The following KIAA1958 variants were observed in gnomAD, a reference collection of about 807,000 sequenced individuals.
KIAA1958 encodes the protein uncharacterized protein KIAA1958.
In KIAA1958, 14 loss-of-function variants were observed where a neutral mutation model predicts 47.2. The ratio of observed to expected loss-of-function variants is 0.30; its 90% CI spans 0.20 to 0.46. The LOEUF is 0.46. KIAA1958 is among the 20% of genes least tolerant of loss of function. The pLI, the probability that KIAA1958 is intolerant of heterozygous loss-of-function variation, is 1.00. For synonymous variants in KIAA1958, 354 were observed against 353.3 expected, an observed-to-expected ratio of 1.00 and a Z score of -0.02; for missense variants, 803 against 909.2, an observed-to-expected ratio of 0.88 and a Z score of 1.50.
chr9:112,625,402 C>A (rs1409695739), intron 2 of KIAA1958, among the ~76,000 whole-genome samples: 2 of 152,184 alleles, frequency 1.3e-5, no homozygotes, highest in Non-Finnish European at 2.9e-5. Flanking sequence ...GATCCCCCCA[C>A]CTCAGCCTCC....
intron 2 of KIAA1958, among the ~76,000 whole-genome samples, chr9:112,643,682 G>C (rs1350295117): frequency 6.6e-6 from 1 of 152,106 alleles, no homozygotes; most frequent in Non-Finnish European, 1.5e-5. Flanking sequence ...AAGATTGAAA[G>C]CACAAAGACA....
intron 2 of KIAA1958, among the ~76,000 whole-genome samples, chr9:112,575,486 C>G (rs369065500): frequency 9.9e-5 from 15 of 151,686 alleles, no homozygotes; most frequent in African/African-American, 2.9e-4. Context: ...TAAGATTGTT[C>G]TGTTGATATT....
rs371487163 is a variant in KIAA1958, at chr9:112,606,315, T to C, written c.1171+31064T>C. Among the ~76,000 whole-genome samples the C allele has an allele frequency of 7.9e-5, 12 of 152,320 alleles. No individual in the cohort carries two copies. The South Asian group carries it at 1.0e-3, about 13-fold the overall frequency. On this transcript the variant is annotated intron_variant, in intron 2 of 3. Coordinates refer to ENST00000337530, the MANE Select transcript of KIAA1958 (RefSeq NM_133465.4). ...TTCACGGGAGCCATAAGAAACATTC[T>C]GCTGCCTGCCCATTAAAATTTCATT...
chr9:112,499,231 T>C (rs976103919), intron 1 of KIAA1958, among the ~76,000 whole-genome samples: 1 of 152,228 alleles, frequency 6.6e-6, no homozygotes, highest in African/African-American at 2.4e-5. Flanking sequence ...TTTGATACAC[T>C]GATTTCTTTG....
chr9:112,541,147 G>A (rs1264309065), intron 1 of KIAA1958, among the ~76,000 whole-genome samples: 2 of 151,914 alleles, frequency 1.3e-5, no homozygotes, highest in African/African-American at 4.8e-5. Context: ...CAATATTTTT[G>A]GCTTATTGCA....
intron 1 of KIAA1958, among the ~76,000 whole-genome samples, chr9:112,532,571 G>T (rs1834768864): frequency 2.0e-5 from 3 of 152,182 alleles, no homozygotes; most frequent in Admixed American, 2.0e-4. Flanking sequence ...GTAATAGAAG[G>T]TTCTGATGTG....
chr9:112,634,345 C>T (rs539040381), intron 2 of KIAA1958, among the ~76,000 whole-genome samples: 67 of 152,272 alleles, frequency 4.4e-4, no homozygotes, highest in African/African-American at 1.4e-3. Flanking sequence ...TCTCCTGCCT[C>T]AGCCTCCCGA....
intron 1 of KIAA1958, among the ~76,000 whole-genome samples, chr9:112,554,355 G>A (rs552184243): frequency 3.3e-5 from 5 of 152,086 alleles, no homozygotes; most frequent in African/African-American, 9.6e-5. Context: ...AAAATCAGCC[G>A]GGCATGGTGG....
At chr9:112,637,025 A>G (rs1001457448) in intron 2 of KIAA1958, among the ~76,000 whole-genome samples, 3 of 152,190 alleles carry the variant, frequency 2.0e-5, no homozygotes, top group Non-Finnish European at 4.4e-5. Flanking sequence ...ATACAGATGT[A>G]AACGTGCACT....
intron 2 of KIAA1958, among the ~76,000 whole-genome samples, chr9:112,589,873 G>A (rs1265758165): frequency 6.6e-6 from 1 of 152,184 alleles, no homozygotes; most frequent in Non-Finnish European, 1.5e-5. Flanking sequence ...TCTGGAAAGG[G>A]GCTGGGGTAG....
intron 1 of KIAA1958, among the ~76,000 whole-genome samples, chr9:112,555,604 T>C (rs376470546): frequency 9.9e-5 from 15 of 152,226 alleles, no homozygotes; most frequent in East Asian, 3.8e-4. Context: ...GGATGGCATC[T>C]TCTCGTCTTC....
chr9:112,518,006 T>A (rs552464004), intron 1 of KIAA1958, among the ~76,000 whole-genome samples: 11 of 152,342 alleles, frequency 7.2e-5, no homozygotes. Flanking sequence ...TTTTTGCCCT[T>A]TCAAAAAGTT....
At chr9:112,632,072 A>G (rs767249627) in intron 2 of KIAA1958, among the ~76,000 whole-genome samples, 7 of 152,234 alleles carry the variant, frequency 4.6e-5, no homozygotes, top group Admixed American at 1.3e-4. Flanking sequence ...CCAAAGTCCT[A>G]TTGATTTTTA....
chr9:112,533,628 C>T (rs1826746771), intron 1 of KIAA1958, among the ~76,000 whole-genome samples: 2 of 149,806 alleles, frequency 1.3e-5, no homozygotes, highest in Non-Finnish European at 3.0e-5. Flanking sequence ...AATTGACTCA[C>T]AGTTTCCCAT....
intron 1 of KIAA1958, among the ~76,000 whole-genome samples, chr9:112,500,778 C>T (rs771995193): frequency 1.7e-4 from 26 of 151,932 alleles, no homozygotes; most frequent in Non-Finnish European, 3.2e-4. Flanking sequence ...AGAAAAACGA[C>T]GCACTGATAA....
At chr9:112,488,479 G>T (rs970947281) in intron 1 of KIAA1958, among the ~76,000 whole-genome samples, 1 of 152,070 alleles carries the variant, frequency 6.6e-6, no homozygotes. Flanking sequence ...ATGGATTTAT[G>T]CCTGTATCAA....
chr9:112,493,795 A>G (rs1291453643), intron 1 of KIAA1958, among the ~76,000 whole-genome samples: 1 of 152,230 alleles, frequency 6.6e-6, no homozygotes. Context: ...TGACTGAATA[A>G]AAATACTTGA....
intron 2 of KIAA1958, among the ~76,000 whole-genome samples, chr9:112,589,484 C>T (rs925300369): frequency 1.3e-5 from 2 of 152,028 alleles, no homozygotes; most frequent in Admixed American, 6.5e-5. Context: ...CCCAGCTACT[C>T]GGGAGGCTGA....
chr9:112,553,252 C>G (rs1278021449), intron 1 of KIAA1958, among the ~76,000 whole-genome samples: 1 of 149,510 alleles, frequency 6.7e-6, no homozygotes, highest in Admixed American at 6.7e-5. Flanking sequence ...GTGGTATGAT[C>G]GTTGGCTCAC....
Sources: allele counts gnomAD v4.1 joint callset (sites outside exome capture counted in the v4.1 genomes callset), GRCh38; gene constraint gnomAD v4.1.1; transcripts MANE v1.5; gene names NCBI Gene and HGNC (gene_info 2026-07-23, HGNC 2026-07-21).